PDE3A: variants seen among roughly 807,000 people sequenced by gnomAD.
The protein encoded by PDE3A is cGMP-inhibited 3',5'-cyclic phosphodiesterase 3A.
In PDE3A, 43 loss-of-function variants were observed where a neutral mutation model predicts 98.3. The observed-to-expected ratio is 0.44, with a 90% CI of 0.34 to 0.56. The LOEUF (loss-of-function observed/expected upper bound fraction) is 0.56. Ranked by LOEUF, PDE3A falls within the 20% of genes least tolerant of loss-of-function variation. The pLI is 0.01. For synonymous variants in PDE3A, 663 were observed against 567.9 expected, an observed-to-expected ratio of 1.17 and a Z score of -2.38; for missense variants, 1,427 against 1,440.7, an observed-to-expected ratio of 0.99 and a Z score of 0.15.
rs1423558139 is a variant in PDE3A at position 20,652,613 on chromosome 12, GTTGT to G, written c.2926-1327_2926-1324del. 4.6e-5 allele frequency among the ~76,000 whole-genome samples: 7 copies of G among 152,132 alleles called. No individual in the cohort carries two copies. The South Asian group carries it at 6.2e-4, about 14-fold the overall frequency. ...TATCCTTCACCCACTTTTTGATGGG[GTTGT>G]TTGTTTTTTTCTTGTAAATTTGTTT... is the stretch of plus-strand genomic sequence containing the variant. On this transcript the variant is annotated intron_variant, in intron 14 of 15. Transcript: ENST00000359062.
At chr12:20,458,988 A>G (rs1565555977) in intron 1 of PDE3A, among the ~76,000 whole-genome samples, 1 of 152,208 alleles carries the variant, frequency 6.6e-6, no homozygotes, top group Non-Finnish European at 1.5e-5. Flanking sequence ...GTATAAAAAT[A>G]TGTAAATAAA....
In PDE3A at chr12:20,613,436, G is replaced by A. The variant is rs954876807; in HGVS notation, c.1012-7G>A. On this transcript the variant is annotated splice_region_variant and splice_polypyrimidine_tract_variant and intron_variant, in intron 2 of 15. Transcript: ENST00000359062. Reference sequence around the variant, plus strand: ...CTTGCCTGATCTTGTCTTGGTTTGTGTCTCAGTCTTCAGGAACCAGTATTA... The same window carrying A: ...CTTGCCTGATCTTGTCTTGGTTTGTATCTCAGTCTTCAGGAACCAGTATTA... 1.2e-6 allele frequency: 2 copies of A among 1,613,932 alleles called. No individual in the cohort carries two copies. Among genetic ancestry groups the A allele is most frequent in the East Asian group, 4.5e-5 (2 of 44,854 alleles).
intron 1 of PDE3A, among the ~76,000 whole-genome samples, chr12:20,409,989 A>G (rs1944304229): frequency 2.0e-5 from 3 of 152,220 alleles, no homozygotes. Flanking sequence ...TACTTGCTAT[A>G]TTGAACCAAA....
At chr12:20,597,974 A>C (rs1943504404) in intron 2 of PDE3A, among the ~76,000 whole-genome samples, 1 of 151,974 alleles carries the variant, frequency 6.6e-6, no homozygotes, top group African/African-American at 2.4e-5. Flanking sequence ...TATCATACTT[A>C]TGTTTTTTTT....
chr12:20,654,265 G>A, intron 15 of PDE3A, 60 bp downstream of exon 15: 3 of 1,508,178 alleles, frequency 2.0e-6, no homozygotes, highest in South Asian at 2.3e-5. Context: ...TACTTTAGAT[G>A]AATTTTATGC....
intron 15 of PDE3A, among the ~76,000 whole-genome samples, chr12:20,675,528 G>C (rs7980623): frequency 0.061 from 9,275 of 152,200 alleles, 569 homozygotes; most frequent in Middle Eastern, 0.18. Context: ...AACTATTTTT[G>C]TGTTGAAGTG....
At chr12:20,424,897 C>T (rs1944578965) in intron 1 of PDE3A, among the ~76,000 whole-genome samples, 2 of 152,238 alleles carry the variant, frequency 1.3e-5, no homozygotes. Flanking sequence ...TGTTCTGTCT[C>T]TGTGCACAGC....
In PDE3A at chr12:20,654,324, T is replaced by C. The variant is rs563674412; in HGVS notation, c.3184+119T>C. 14 of 901,510 alleles carry C rather than the reference T, an allele frequency of 1.6e-5. No individual in the cohort carries two copies. The East Asian group carries it at 3.4e-4, about 22-fold the overall frequency. 55.8% of individuals were successfully genotyped at this position (901,510 alleles called of 1,614,324 possible). On this transcript the variant is annotated intron_variant, in intron 15 of 15. Transcript: ENST00000359062. ...CAAGTCTAAACATCATTTGCGGAGT[T>C]TGACTACGGATAGCTCCCTTCCCCA...
intron 5 of PDE3A, among the ~76,000 whole-genome samples, chr12:20,627,405 C>T (rs1054561060): frequency 2.1e-5 from 3 of 143,068 alleles, no homozygotes; most frequent in African/African-American, 7.9e-5. Context: ...GACCACGTTC[C>T]CTGCCCCTCT....
chr12:20,448,751 G>GTTT (rs1265923346), intron 1 of PDE3A, among the ~76,000 whole-genome samples: 1 of 134,328 alleles, frequency 7.4e-6, no homozygotes, highest in Non-Finnish European at 1.6e-5. Context: ...TTTATTTTAA[G>GTTT]GTTTTTTTTT....
intron 1 of PDE3A, among the ~76,000 whole-genome samples, chr12:20,383,469 A>G (rs1943696306): frequency 6.6e-6 from 1 of 151,940 alleles, no homozygotes; most frequent in South Asian, 2.1e-4. Flanking sequence ...TTTATCACAT[A>G]AAAATATTCC....
chr12:20,561,217 C>T (rs578225428), intron 2 of PDE3A, among the ~76,000 whole-genome samples: 2 of 151,760 alleles, frequency 1.3e-5, no homozygotes, highest in East Asian at 1.9e-4. Flanking sequence ...AAGATTGCGC[C>T]GCTGCACTCC....
intron 1 of PDE3A, among the ~76,000 whole-genome samples, chr12:20,370,991 T>C (rs1943463180): frequency 6.6e-6 from 1 of 152,254 alleles, no homozygotes; most frequent in South Asian, 2.1e-4. Flanking sequence ...AAAACAGTTC[T>C]CTTTAGTATG....
chr12:20,596,493 T>C (rs1241818535), intron 2 of PDE3A, among the ~76,000 whole-genome samples: 1 of 152,198 alleles, frequency 6.6e-6, no homozygotes, highest in African/African-American at 2.4e-5. Flanking sequence ...ACTGAAGTGA[T>C]TAACCCAGAC....
intron 1 of PDE3A, among the ~76,000 whole-genome samples, chr12:20,467,796 A>G (rs1036383310): frequency 6.6e-6 from 1 of 151,746 alleles, no homozygotes; most frequent in Non-Finnish European, 1.5e-5. Flanking sequence ...GTAGCTGGGC[A>G]TGGTGGCACG....
chr12:20,669,664 C>A (rs1049025113), intron 15 of PDE3A, among the ~76,000 whole-genome samples: 4 of 151,870 alleles, frequency 2.6e-5, no homozygotes, highest in South Asian at 2.1e-4. Context: ...GATTTTGTCA[C>A]CACCAGGCCT....
chr12:20,601,332 G>A (rs1357379792), intron 2 of PDE3A, among the ~76,000 whole-genome samples: 1 of 152,100 alleles, frequency 6.6e-6, no homozygotes, highest in African/African-American at 2.4e-5. Flanking sequence ...CATTAACGTG[G>A]AAATGTTTGT....
In PDE3A at chr12:20,369,309, C is replaced by T. The variant is rs767425849; in HGVS notation, c.25C>T (p.Arg9Ter). The change falls in exon 1 of 16, where the codon CGA (arginine) becomes TGA (stop). Residue 9 changes from arginine to a stop codon, truncating the protein, a stop_gained. Transcript: ENST00000359062. LOFTEE classifies it high-confidence loss of function. ...CATGGCAGTGCCCGGCGACGCTGCA[C>T]GAGTCAGGGACAAGCCCGTCCACAG... MAVPGDAA[R>*]VRDKPVHSGV... The T allele has an allele frequency of 5.2e-6, 8 of 1,531,510 alleles. No homozygotes were observed. Among genetic ancestry groups the T allele is most frequent in the Non-Finnish European group, 7.0e-6 (8 of 1,134,932 alleles). 94.9% of individuals were successfully genotyped at this position (1,531,510 alleles called of 1,614,324 possible). A position where few individuals can be genotyped will look rare whatever the true frequency, so the allele number is the denominator to read the frequency against.
At chr12:20,645,404 T>C (rs546201665) in intron 10 of PDE3A, among the ~76,000 whole-genome samples, 31 of 152,232 alleles carry the variant, frequency 2.0e-4, no homozygotes, top group Admixed American at 1.0e-3. Flanking sequence ...AGGGAATAGG[T>C]GTTTCTCTCA....
Sources: allele counts gnomAD v4.1 joint callset (sites outside exome capture counted in the v4.1 genomes callset), GRCh38; gene constraint gnomAD v4.1.1; transcripts MANE v1.5; gene names NCBI Gene and HGNC (gene_info 2026-07-23, HGNC 2026-07-21).